Variants in KANK1 observed in about 807,000 individuals in gnomAD.
KANK1 encodes the protein KN motif and ankyrin repeat domains 1, also known as KN motif and ankyrin repeat domain-containing protein 1.
Under a neutral mutation model 106.2 loss-of-function variants are expected in KANK1, and 109 were observed. The observed-to-expected ratio is 1.03, with a 90% CI of 0.88 to 1.20. The LOEUF (loss-of-function observed/expected upper bound fraction) is 1.20. Ranked by LOEUF, KANK1 falls within the 50% of genes most tolerant of loss-of-function variation. The probability of loss-of-function intolerance (pLI) is 0.00; values close to 1 mark genes in which losing one functional copy is unlikely to be tolerated. For missense variants in KANK1, 2,399 were observed against 1,710.7 expected (o/e 1.40, Z -7.10); for synonymous variants, 873 against 652.2 (o/e 1.34, Z -5.16).
chr9:618,490 G>T (rs6477035), intron 1 of KANK1, among the ~76,000 whole-genome samples: 40,636 of 152,006 alleles, frequency 0.27, 5,739 homozygotes, highest in Admixed American at 0.4. Context: ...TTACAGTCGT[G>T]AGCTACCATG....
chr9:561,191 C>A (rs1262728744), intron 1 of KANK1, among the ~76,000 whole-genome samples: 1 of 152,034 alleles, frequency 6.6e-6, no homozygotes, highest in African/African-American at 2.4e-5. Flanking sequence ...TTCAGGGGGG[C>A]AGGATTGGAA....
chr9:519,959 T>C (rs2059470514), intron 1 of KANK1, among the ~76,000 whole-genome samples: 1 of 151,848 alleles, frequency 6.6e-6, no homozygotes, highest in Non-Finnish European at 1.5e-5. Context: ...CTAGTTATGC[T>C]CAGTGACTTA....
rs530602358 is a variant in KANK1, at chr9:662,249, G to T, written c.-83-14641G>T. On this transcript the variant is annotated intron_variant, in intron 1 of 11. Transcript: ENST00000382297. ...TCAATATTGTGAAAATGACCATACT[G>T]CCCAAGGTAATTTATAGGTTCAGTG... 2.8e-3 allele frequency among the ~76,000 whole-genome samples: 422 copies of T among 152,236 alleles called. 2 individuals are homozygous for T. Among genetic ancestry groups the T allele is most frequent in the Middle Eastern group, 6.8e-3 (2 of 294 alleles).
intron 1 of KANK1, among the ~76,000 whole-genome samples, chr9:634,794 C>T (rs927641293): frequency 1.3e-5 from 2 of 152,194 alleles, no homozygotes; most frequent in Non-Finnish European, 2.9e-5. Flanking sequence ...CTCTCAATGT[C>T]ATCATTTTTG....
intron 3 of KANK1, among the ~76,000 whole-genome samples, chr9:485,020 T>G (rs1447386482): frequency 1.3e-5 from 2 of 152,224 alleles, no homozygotes; most frequent in Admixed American, 1.3e-4. Context: ...AGAGAGGCCC[T>G]GGAAGCCTGG....
intron 3 of KANK1, among the ~76,000 whole-genome samples, chr9:729,248 CCA>C (rs1311754812): frequency 2.6e-5 from 4 of 152,288 alleles, no homozygotes; most frequent in Non-Finnish European, 5.9e-5. Context: ...AAAATATTTA[CCA>C]TCTACAAGGG....
At chr9:659,938 C>G (rs532229307) in intron 1 of KANK1, 2 of 170,518 alleles carry the variant, frequency 1.2e-5, no homozygotes, top group East Asian at 1.7e-4. Flanking sequence ...CCCCTTCTCC[C>G]GCCACCGCCC....
chr9:572,181 G>A (rs542401362), intron 1 of KANK1, among the ~76,000 whole-genome samples: 93 of 133,894 alleles, frequency 6.9e-4, no homozygotes, highest in Non-Finnish European at 1.3e-3. Context: ...CTAAGAGACA[G>A]GGTCTTGCTC....
At chr9:603,198 C>T (rs1201591325) in intron 1 of KANK1, among the ~76,000 whole-genome samples, 2 of 151,868 alleles carry the variant, frequency 1.3e-5, no homozygotes, top group Admixed American at 6.5e-5. Context: ...AATTTCCCTA[C>T]TCATCCCATC....
rs183849226 is a variant in KANK1 at position 648,649 on chromosome 9, A to G, written c.-83-28241A>G. ...CATGATAGTAACAAAGGTAGAGTGT[A>G]ATAAGTGCGGTTGCAGAATCGCAGG... On this transcript the variant is annotated intron_variant, in intron 1 of 11. Transcript: ENST00000382297. Among the ~76,000 whole-genome samples, 12 of 152,314 alleles carry G rather than the reference A, an allele frequency of 7.9e-5. No individual in the cohort carries two copies. The East Asian group carries it at 2.1e-3, about 27-fold the overall frequency.
chr9:680,221 T>C lies in KANK1; in HGVS notation c.37+3212T>C, dbSNP rs934347027. Among the ~76,000 whole-genome samples, 12 of 152,148 alleles carry C rather than the reference T, an allele frequency of 7.9e-5. No individual in the cohort carries two copies. The East Asian group carries it at 1.2e-3, about 15-fold the overall frequency. ...GTGGCAAAAGAAGCACTTTCCATAG[T>C]GTTAGTAATAAAACAAGCAAAAGAG... On this transcript the variant is annotated intron_variant, in intron 2 of 11. Coordinates refer to ENST00000382297, the MANE Select transcript of KANK1 (RefSeq NM_015158.5).
At chr9:668,013 G>A (rs1374161645) in intron 1 of KANK1, among the ~76,000 whole-genome samples, 1 of 152,108 alleles carries the variant, frequency 6.6e-6, no homozygotes, top group Non-Finnish European at 1.5e-5. Context: ...TTACAGGCAT[G>A]AGCCACCACA....
At chr9:534,839 A>C (rs187378856) in intron 1 of KANK1, among the ~76,000 whole-genome samples, 2 of 152,250 alleles carry the variant, frequency 1.3e-5, no homozygotes, top group Non-Finnish European at 2.9e-5. Context: ...AGAAAATTCT[A>C]TAAGTTTATG....
At chr9:731,929 T>C (rs1832393144) in intron 5 of KANK1, 2 of 157,902 alleles carry the variant, frequency 1.3e-5, no homozygotes, top group South Asian at 3.8e-4. Flanking sequence ...TCTAGAAGTT[T>C]TATTCAGTGA....
At chr9:721,129 C>T (rs943685911) in intron 3 of KANK1, among the ~76,000 whole-genome samples, 3 of 152,130 alleles carry the variant, frequency 2.0e-5, no homozygotes, top group African/African-American at 4.8e-5. Flanking sequence ...TTACAGAGTG[C>T]TTTGGGGAAC....
Position 742,306 on chromosome 9 carries a change from G to C in KANK1, c.3798G>C (p.Glu1266Asp), listed in dbSNP as rs1374769950. The C allele has an allele frequency of 6.2e-7, 1 of 1,614,146 alleles. No homozygotes were observed. Among genetic ancestry groups the C allele is most frequent in the Non-Finnish European group, 8.5e-7 (1 of 1,179,992 alleles). The change falls in exon 10 of 12, where the codon GAG (glutamate) becomes GAC (aspartate). Residue 1266 changes from glutamate (E) to aspartate (D), a missense_variant. Coordinates refer to ENST00000382297, the MANE Select transcript of KANK1 (RefSeq NM_015158.5). ...CGADVNIQDD[E>D]GSTALMCASE... ...CTGATGTCAACATCCAGGATGACGA[G>C]GGCTCCACGGCCCTCATGTGTGCCA...
intron 1 of KANK1, among the ~76,000 whole-genome samples, chr9:522,136 A>G (rs2059582369): frequency 6.6e-6 from 1 of 151,792 alleles, no homozygotes; most frequent in South Asian, 2.1e-4. Flanking sequence ...GACCAAATTT[A>G]TATCCCACTG....
intron 1 of KANK1, among the ~76,000 whole-genome samples, chr9:628,989 A>C (rs1835027625): frequency 1.3e-5 from 2 of 150,770 alleles, no homozygotes; most frequent in Non-Finnish European, 2.9e-5. Flanking sequence ...CTGAGGCAGG[A>C]GAATCACTTG....
At chr9:534,591 G>C (rs969761181) in intron 1 of KANK1, among the ~76,000 whole-genome samples, 3 of 152,192 alleles carry the variant, frequency 2.0e-5, no homozygotes, top group Non-Finnish European at 2.9e-5. Context: ...CTCCTAGCGT[G>C]ATTTTTTCCC....
Sources: allele counts gnomAD v4.1 joint callset (sites outside exome capture counted in the v4.1 genomes callset), GRCh38; gene constraint gnomAD v4.1.1; transcripts MANE v1.5; gene names NCBI Gene and HGNC (gene_info 2026-07-23, HGNC 2026-07-21).